The following AKAP13 variants were observed in gnomAD, a reference collection of about 807,000 sequenced individuals.
The protein encoded by AKAP13 is A-kinase anchoring protein 13, also known as A-kinase anchor protein 13.
Under a neutral mutation model 264.5 loss-of-function variants are expected in AKAP13, and 80 were observed. The observed-to-expected ratio is 0.30, with a 90% confidence interval of 0.25 to 0.36. The LOEUF (loss-of-function observed/expected upper bound fraction) is 0.36, where lower values mean the gene tolerates loss of function less well. AKAP13 is among the 10% of genes least tolerant of loss of function. AKAP13 has a pLI of 1.00. For synonymous variants in AKAP13, 1,380 were observed against 1,250.2 expected (o/e 1.10, Z -2.19); for missense variants, 3,712 against 3,435.2 (o/e 1.08, Z -2.01).
At chr15:85,565,512 C>T (rs1436611972) in intron 5 of AKAP13, among the ~76,000 whole-genome samples, 1 of 152,148 alleles carries the variant, frequency 6.6e-6, no homozygotes, top group Non-Finnish European at 1.5e-5. Context: ...AGCCATAGTC[C>T]TCTTTATGGC....
intron 2 of AKAP13, among the ~76,000 whole-genome samples, chr15:85,504,936 A>ATC (rs374584365): frequency 2.7e-5 from 4 of 146,658 alleles, no homozygotes; most frequent in South Asian, 2.2e-4. Flanking sequence ...CCTCTCTCCC[A>ATC]TCTCTCTCTC....
chr15:85,738,663 C>A (rs1479721698), intron 33 of AKAP13, among the ~76,000 whole-genome samples: 3 of 151,236 alleles, frequency 2.0e-5, no homozygotes, highest in African/African-American at 4.9e-5. Context: ...AAGGTGAAAC[C>A]CCGTCTCTAC....
At chr15:85,574,077 C>G (rs1297961964) in intron 5 of AKAP13, among the ~76,000 whole-genome samples, 2 of 152,216 alleles carry the variant, frequency 1.3e-5, no homozygotes, top group African/African-American at 2.4e-5. Context: ...CCAGAAATCT[C>G]TAACTCTGTA....
In AKAP13 at chr15:85,498,834, T is replaced by G. The variant is rs151298238; in HGVS notation, c.33+13081T>G. Among the ~76,000 whole-genome samples, 308 of 152,264 alleles carry G rather than the reference T, an allele frequency of 2.0e-3. 3 individuals are homozygous for G. Among genetic ancestry groups the G allele is most frequent in the African/African-American group, 7.1e-3 (295 of 41,544 alleles). ...AGCACCACTAGGAACTTGGTAGAAA[T>G]GCAGGTGTTTACGCCCCATCTCAGA... On this transcript the variant is annotated intron_variant, in intron 2 of 36. Transcript: ENST00000394518.
intron 4 of AKAP13, 37 bp from the exon 5 acceptor site, chr15:85,543,735 T>A: frequency 1.3e-6 from 2 of 1,559,624 alleles, no homozygotes; most frequent in Non-Finnish European, 1.7e-6. Context: ...GTTTTTATAT[T>A]TTCCTCACTT....
At chr15:85,695,716 C>T (rs2085530615) in intron 17 of AKAP13, among the ~76,000 whole-genome samples, 1 of 152,204 alleles carries the variant, frequency 6.6e-6, no homozygotes, top group African/African-American at 2.4e-5. Flanking sequence ...TCCCTGTGGG[C>T]AGAGATCACA....
rs771670855 is a variant in AKAP13 at position 85,579,830 on chromosome 15, G to A, written c.1762G>A (p.Val588Met). Residue 588 changes from valine (V) to methionine (M), a missense_variant, in exon 7 of 37, where the codon GTG becomes ATG. Coordinates refer to ENST00000394518, the MANE Select transcript of AKAP13 (RefSeq NM_007200.5). Reference protein sequence around the residue: ...ADAPVDQNSVVIPAAAKDKIS... With the variant: ...ADAPVDQNSVMIPAAAKDKIS... ...TGCTCCAGTAGATCAGAATTCTGTG[G>A]TGATTCCAGCTGCTGCAAAAGACAA... The A allele has an allele frequency of 7.4e-6, 12 of 1,614,082 alleles. No individual in the cohort carries two copies. The Admixed American group carries it at 2.0e-4, about 27-fold the overall frequency.
At chr15:85,643,948 G>A (rs751161447) in intron 9 of AKAP13, among the ~76,000 whole-genome samples, 9 of 152,190 alleles carry the variant, frequency 5.9e-5, no homozygotes, top group East Asian at 1.9e-4. Context: ...GGCACATAGC[G>A]ACAGGACTGT....
intron 5 of AKAP13, among the ~76,000 whole-genome samples, chr15:85,564,366 A>G (rs993119857): frequency 3.9e-5 from 6 of 152,252 alleles, no homozygotes; most frequent in African/African-American, 7.2e-5. Context: ...ATACATATAT[A>G]GAATTTTACT....
intron 17 of AKAP13, among the ~76,000 whole-genome samples, chr15:85,704,472 C>T (rs1167674141): frequency 6.6e-6 from 1 of 152,260 alleles, no homozygotes; most frequent in East Asian, 1.9e-4. Flanking sequence ...AAAAAAGATA[C>T]AGCAATAGAT....
At chr15:85,566,891 G>A (rs2078626131) in intron 5 of AKAP13, among the ~76,000 whole-genome samples, 1 of 151,956 alleles carries the variant, frequency 6.6e-6, no homozygotes, top group Non-Finnish European at 1.5e-5. Context: ...GCCTCCCAAA[G>A]TGCTGGGATT....
At chr15:85,410,229 C>G (rs1388570864) in intron 1 of AKAP13, among the ~76,000 whole-genome samples, 1 of 151,476 alleles carries the variant, frequency 6.6e-6, no homozygotes, top group African/African-American at 2.5e-5. Flanking sequence ...GCTGGTCGCT[C>G]ATCACCAGCT....
In AKAP13 at chr15:85,437,810, T is replaced by C. The variant is rs201109215; in HGVS notation, c.-11-47900T>C. On this transcript the variant is annotated intron_variant, in intron 1 of 36. Transcript: ENST00000394518. ...CTCAATAAATTAGGTATTGATGGGA[T>C]GTATTTCAAAATAATAAGAGCTATC... 6.6e-4 allele frequency among the ~76,000 whole-genome samples: 101 copies of C among 152,266 alleles called. 1 individual carries two copies. Among genetic ancestry groups the C allele is most frequent in the African/African-American group, 2.2e-3 (91 of 41,528 alleles).
intron 2 of AKAP13, among the ~76,000 whole-genome samples, chr15:85,520,052 C>T (rs56097165): frequency 0.042 from 6,364 of 152,024 alleles, 429 homozygotes; most frequent in African/African-American, 0.15. Context: ...GTGCTTTAAA[C>T]CTTGATGCTT....
chr15:85,644,665 C>T (rs73454416), intron 9 of AKAP13, among the ~76,000 whole-genome samples: 12 of 126,962 alleles, frequency 9.5e-5, no homozygotes, highest in African/African-American at 3.5e-4. Context: ...CTGGCTAACA[C>T]GGTGAAACCT....
chr15:85,608,711 G>A (rs764622363), intron 8 of AKAP13, among the ~76,000 whole-genome samples: 2 of 152,206 alleles, frequency 1.3e-5, no homozygotes, highest in Non-Finnish European at 2.9e-5. Context: ...AGAGCCGGGG[G>A]CCTTGAAGTA....
At chr15:85,741,729 CA>C (rs112524984) in intron 35 of AKAP13, among the ~76,000 whole-genome samples, 25,325 of 82,294 alleles carry the variant, frequency 0.31, 3,302 homozygotes, top group East Asian at 0.48. Context: ...AACAAACAAA[CA>C]AAAAAAAAAA....
rs544298934 is a variant in AKAP13, at chr15:85,403,296, G to A, written c.-12+22498G>A. 2.0e-5 allele frequency among the ~76,000 whole-genome samples: 3 copies of A among 152,298 alleles called. No homozygotes were observed. In the South Asian group the frequency reaches 6.2e-4, roughly 32 times the overall value. On this transcript the variant is annotated intron_variant, in intron 1 of 36. Coordinates refer to ENST00000394518, the MANE Select transcript of AKAP13 (RefSeq NM_007200.5). ...TGATCAGTGTGGTGCTAACTTTGATGCCCTAAGAATGGATTTACCATGGTG... is the reference window on the plus strand; with the variant it reads ...TGATCAGTGTGGTGCTAACTTTGATACCCTAAGAATGGATTTACCATGGTG...
At chr15:85,644,693 CAAAAAAAAA>C (rs1161365911) in intron 9 of AKAP13, among the ~76,000 whole-genome samples, 2 of 103,904 alleles carry the variant, frequency 1.9e-5, no homozygotes, top group Non-Finnish European at 1.9e-5. Context: ...ACTAAAAATA[CAAAAAAAAA>C]AAAAAAAAAA....
Sources: allele counts gnomAD v4.1 joint callset (sites outside exome capture counted in the v4.1 genomes callset), GRCh38; gene constraint gnomAD v4.1.1; transcripts MANE v1.5; gene names NCBI Gene and HGNC (gene_info 2026-07-23, HGNC 2026-07-21).